Variants in DNMT3A observed in about 807,000 individuals in gnomAD.
DNMT3A encodes DNA (cytosine-5)-methyltransferase 3A.
A neutral mutation model predicts 117.6 loss-of-function variants in DNMT3A; 267 were observed. That is an observed-to-expected ratio of 2.27 (90% CI 2.05 to 2.51). The LOEUF (loss-of-function observed/expected upper bound fraction) is 2.51. Ranked by LOEUF, DNMT3A falls within the 30% of genes most tolerant of loss-of-function variation. The pLI, the probability that DNMT3A is intolerant of heterozygous loss-of-function variation, is 0.00. For synonymous variants in DNMT3A, 432 were observed against 474.8 expected, an observed-to-expected ratio of 0.91 and a Z score of 1.17; for missense variants, 1,029 against 1,260.2, an observed-to-expected ratio of 0.82 and a Z score of 2.78.
intron 1 of DNMT3A, among the ~76,000 whole-genome samples, chr2:25,329,869 C>T (rs1369682323): frequency 6.6e-6 from 1 of 152,206 alleles, no homozygotes; most frequent in Non-Finnish European, 1.5e-5. Flanking sequence ...GCGGGCCTTC[C>T]GACACAGGCA....
Position 25,247,424 on chromosome 2 carries a change from T to C in DNMT3A, c.1014+167A>G. The C allele has an allele frequency of 9.0e-7, 1 of 1,116,696 alleles. No individual in the cohort carries two copies. Among genetic ancestry groups the C allele is most frequent in the South Asian group, 1.6e-5 (1 of 61,936 alleles). 69.2% of individuals were successfully genotyped at this position (1,116,696 alleles called of 1,614,324 possible). ...GCATCCTAGCTCTCTGAGCCACAGG[T>C]GCAACCTAATTATCCCTACAGCTTC... On this transcript the variant is annotated intron_variant, in intron 8 of 22. Coordinates refer to ENST00000321117, the MANE Select transcript of DNMT3A (RefSeq NM_022552.5). The surrounding 1 kb of genome is among the most constrained non-coding windows in gnomAD (Gnocchi z 5.6).
Position 25,234,303 on chromosome 2 carries a change from C to A in DNMT3A, c.2715G>T (p.Leu905=), listed in dbSNP as rs1444358177. The part of the protein sequence containing the change: ...VPVIRHLFAP[L]KEYFACV ...CTTACACACACGCAAAATACTCCTT[C>A]AGCGGAGCGAAGAGGTGGCGGATGA... The change falls in exon 23 of 23, where the codon CTG becomes CTT. Residue 905 remains leucine, a synonymous_variant. Coordinates refer to ENST00000321117, the MANE Select transcript of DNMT3A (RefSeq NM_022552.5). This position sits in a 1 kb window ranked among gnomAD's most constrained non-coding sequence, Gnocchi z 4.5. The A allele has an allele frequency of 3.1e-6, 5 of 1,614,052 alleles. No homozygotes were observed.
intron 4 of DNMT3A, among the ~76,000 whole-genome samples, chr2:25,278,042 C>CACACACACACACAAACAG (rs150400657): frequency 0.012 from 1,783 of 146,354 alleles, 25 homozygotes; most frequent in East Asian, 0.032. Context: ...CACACACAGA[C>CACACACACACACAAACAG]ACACACGCTT....
Position 25,235,671 on chromosome 2 carries a change from C to T in DNMT3A, c.2597+36G>A, listed in dbSNP as rs553294981. On this transcript the variant is annotated intron_variant, in intron 22 of 22. Transcript: ENST00000321117. ...GCAGCAAGCACAGCAATCAGAACAGCCACACCGCAGCCAGATGCCAGCACA... is the reference window on the plus strand; with the variant it reads ...GCAGCAAGCACAGCAATCAGAACAGTCACACCGCAGCCAGATGCCAGCACA... 8.2e-5 allele frequency: 128 copies of T among 1,556,994 alleles called. No homozygotes were observed. The East Asian group carries it at 2.5e-3, about 31-fold the overall frequency.
intron 4 of DNMT3A, among the ~76,000 whole-genome samples, chr2:25,276,321 C>G (rs1226992136): frequency 3.3e-5 from 5 of 152,066 alleles, no homozygotes; most frequent in Admixed American, 3.3e-4. Context: ...CCTGTTTTCC[C>G]ACTGAATCAA....
chr2:25,230,790 A>AGGGG lies in DNMT3A; in HGVS notation c.*3485_*3488dup, dbSNP rs35486374. On this transcript the variant is annotated 3_prime_UTR_variant, in exon 23 of 23. Transcript: ENST00000321117. ...GTGATTGTTAACTCTCGTCCCTGCA[A>AGGGG]GGGGGGGGGGGGGGGGGCCATGACC... The AGGGG allele has an allele frequency of 2.6e-5, 1 of 38,332 alleles. No homozygotes were observed. The highest frequency in any genetic ancestry group is 1.3e-4 in the African/African-American group (1 of 7,998). 2.4% of individuals were successfully genotyped at this position (38,332 alleles called of 1,614,324 possible).
At chr2:25,272,135 C>T (rs1036938476) in intron 6 of DNMT3A, among the ~76,000 whole-genome samples, 24 of 152,088 alleles carry the variant, frequency 1.6e-4, no homozygotes, top group African/African-American at 5.1e-4. Flanking sequence ...TACAGGTGCC[C>T]GCCACTATGC....
intron 20 of DNMT3A, 74 bp downstream of exon 20, chr2:25,239,056 G>T: frequency 7.2e-7 from 1 of 1,383,846 alleles, no homozygotes; most frequent in Non-Finnish European, 1.0e-6. Flanking sequence ...CCCGGCTCAG[G>T]GGCTTCCCCA....
At chr2:25,249,808 T>C in intron 6 of DNMT3A, 1 of 1,492,810 alleles carries the variant, frequency 6.7e-7, no homozygotes, top group East Asian at 2.3e-5. Flanking sequence ...GCCCTCTGAC[T>C]TCAAGGCTTT....
At position 25,307,586 on chromosome 2, in the gene DNMT3A, T is replaced by C. The variant is rs1363020120; in HGVS notation, c.72+6327A>G. Among the ~76,000 whole-genome samples the C allele has an allele frequency of 2.0e-5, 3 of 151,192 alleles. No individual in the cohort carries two copies. In the Admixed American group the frequency reaches 2.0e-4, roughly 10 times the overall value. ...GTTCAAGTAATTCTCCCACCTCAGC[T>C]TCCCAAGTAGCTGTGATTACAGGCA... On this transcript the variant is annotated intron_variant, in intron 2 of 22. Coordinates refer to ENST00000321117, the MANE Select transcript of DNMT3A (RefSeq NM_022552.5).
Position 25,237,334 on chromosome 2 carries a change from A to G in DNMT3A, c.2409-329T>C, listed in dbSNP as rs1273386928. Among the ~76,000 whole-genome samples, 1 of 152,218 alleles carries G rather than the reference A, an allele frequency of 6.6e-6. No individual in the cohort carries two copies. Among genetic ancestry groups the G allele is most frequent in the Non-Finnish European group, 1.5e-5 (1 of 68,030 alleles). ...CTTTACATCAGTTAGTCTAAAATAC[A>G]CTGAGCTTTAAGCGTCCCACTGCGA... On this transcript the variant is annotated intron_variant, in intron 20 of 22. Coordinates refer to ENST00000321117, the MANE Select transcript of DNMT3A (RefSeq NM_022552.5). This position sits in a 1 kb window ranked among gnomAD's most constrained non-coding sequence, Gnocchi z 5.4.
chr2:25,300,715 ATATATATAT>A (rs1558722704), intron 2 of DNMT3A, among the ~76,000 whole-genome samples: 127 of 4,534 alleles, frequency 0.028, 10 homozygotes, highest in South Asian at 0.078. Context: ...ATAATATAAT[ATATATATAT>A]ATATATATAT....
At position 25,240,739 on chromosome 2, in the gene DNMT3A, A is replaced by G; in HGVS notation, c.2083-9T>C. 1 of 1,614,008 alleles carries G rather than the reference A, an allele frequency of 6.2e-7. No individual in the cohort carries two copies. The highest frequency in any genetic ancestry group is 8.5e-7 in the Non-Finnish European group (1 of 1,179,896). On this transcript the variant is annotated splice_polypyrimidine_tract_variant and intron_variant, in intron 17 of 22. Coordinates refer to ENST00000321117, the MANE Select transcript of DNMT3A (RefSeq NM_022552.5). ...GGGCCCCACTCCTGGATCTGGGAGG[A>G]TAAAGGCAACGTGATGGGCCTGCTG...
rs1246591581 is a variant in DNMT3A, at chr2:25,234,826, C to T, written c.2598-406G>A. The stretch of plus-strand genomic sequence containing the variant: ...ACCTGGAGTCTGCATGTAACGAACA[C>T]GTAGCCCTAGCATCCTCCCCATCAA... On this transcript the variant is annotated intron_variant, in intron 22 of 22. Coordinates refer to ENST00000321117, the MANE Select transcript of DNMT3A (RefSeq NM_022552.5). This position sits in a 1 kb window ranked among gnomAD's most constrained non-coding sequence, Gnocchi z 4.5. Among the ~76,000 whole-genome samples, 1 of 152,192 alleles carries T rather than the reference C, an allele frequency of 6.6e-6. No homozygotes were observed. Among genetic ancestry groups the T allele is most frequent in the Admixed American group, 6.5e-5 (1 of 15,278 alleles).
At chr2:25,321,133 C>CA (rs535695437) in intron 1 of DNMT3A, among the ~76,000 whole-genome samples, 75 of 128,054 alleles carry the variant, frequency 5.9e-4, no homozygotes, top group South Asian at 3.2e-3. Flanking sequence ...AACTCCGTCT[C>CA]AAAAAAAAAA....
rs928626159 is a variant in DNMT3A at position 25,275,646 on chromosome 2, G to A, written c.449-103C>T. 7 of 1,296,568 alleles carry A rather than the reference G, an allele frequency of 5.4e-6. No homozygotes were observed. The Admixed American group carries it at 1.6e-4, about 29-fold the overall frequency. 80.3% of individuals were successfully genotyped at this position (1,296,568 alleles called of 1,614,324 possible). The stretch of plus-strand genomic sequence containing the variant: ...GCCTGGGGTCCCTGCCACAGGGGAT[G>A]GGGGTCCTCTGGCCGTTTAGCTGTT... On this transcript the variant is annotated intron_variant, in intron 4 of 22. Transcript: ENST00000321117.
intron 6 of DNMT3A, among the ~76,000 whole-genome samples, chr2:25,268,339 C>T (rs2030553625): frequency 6.6e-6 from 1 of 152,108 alleles, no homozygotes. Context: ...GATTAATGAG[C>T]GAGTCATGCC....
At chr2:25,320,500 T>C (rs1229179146) in intron 1 of DNMT3A, among the ~76,000 whole-genome samples, 1 of 151,962 alleles carries the variant, frequency 6.6e-6, no homozygotes, top group Non-Finnish European at 1.5e-5. Flanking sequence ...TTATTATGTG[T>C]CAGTTAAAAA....
At chr2:25,316,882 T>C (rs1573487130) in intron 1 of DNMT3A, among the ~76,000 whole-genome samples, 1 of 3,542 alleles carries the variant, frequency 2.8e-4, no homozygotes, top group Non-Finnish European at 1.1e-3. Flanking sequence ...TAATGTTTGT[T>C]AACAGCCACT....
Sources: allele counts gnomAD v4.1 joint callset (sites outside exome capture counted in the v4.1 genomes callset), GRCh38; gene constraint gnomAD v4.1.1; non-coding constraint Gnocchi (gnomAD v3.1); transcripts MANE v1.5; gene names NCBI Gene and HGNC (gene_info 2026-07-23, HGNC 2026-07-21).